GRIN2A: variants seen among roughly 807,000 people sequenced by gnomAD.
GRIN2A encodes glutamate receptor ionotropic, NMDA 2A.
A neutral mutation model predicts 113.4 loss-of-function variants in GRIN2A; 22 were observed. That is an observed-to-expected ratio of 0.19 (90% CI 0.14 to 0.28). GRIN2A has a LOEUF of 0.28. Among genes scored for constraint, GRIN2A ranks in the 10% least tolerant of loss-of-function variants. GRIN2A has a pLI of 1.00. For missense variants in GRIN2A, 1,502 were observed against 1,887.0 expected, an observed-to-expected ratio of 0.80 and a Z score of 3.78; for synonymous variants, 827 against 738.4, an observed-to-expected ratio of 1.12 and a Z score of -1.94.
At chr16:10,059,730 A>C (rs1012047070) in intron 2 of GRIN2A, among the ~76,000 whole-genome samples, 37 of 145,930 alleles carry the variant, frequency 2.5e-4, no homozygotes, top group African/African-American at 9.2e-4. Context: ...GAAAAAAAAA[A>C]AAAAAAACAA....
In GRIN2A at chr16:9,764,482, A is replaced by G; in HGVS notation, c.3062T>C (p.Ile1021Thr). ...ATTCTGGGATAGTGAATCCTGGCGT[A>G]TGGAATCCACGGATTTCTTCCACAG... Reference protein sequence around the residue: ...RQLWKKSVDSIRQDSLSQNPV... With the variant: ...RQLWKKSVDSTRQDSLSQNPV... Residue 1021 changes from isoleucine (I) to threonine (T), a missense_variant, in exon 13 of 13, where the codon ATA (isoleucine) becomes ACA (threonine). By Grantham distance (89) the Ile-to-Thr change is moderately conservative (BLOSUM62 -1). This residue lies in a region of GRIN2A where 832 missense variants were observed against 789.7 expected (regional missense o/e 1.05). Coordinates refer to ENST00000330684, the MANE Select transcript of GRIN2A (RefSeq NM_001134407.3). 2 of 1,614,120 alleles carry G rather than the reference A, an allele frequency of 1.2e-6. No individual in the cohort carries two copies. Among genetic ancestry groups the G allele is most frequent in the Non-Finnish European group, 1.7e-6 (2 of 1,180,010 alleles).
chr16:9,892,845 T>G (rs2043722636), intron 3 of GRIN2A, among the ~76,000 whole-genome samples: 1 of 150,756 alleles, frequency 6.6e-6, no homozygotes, highest in South Asian at 2.1e-4. Flanking sequence ...ACATCCAATA[T>G]GGTGGATTGA....
chr16:10,162,326 G>A lies in GRIN2A; in HGVS notation c.414+17672C>T, dbSNP rs148266882. Among the ~76,000 whole-genome samples, 608 of 152,322 alleles carry A rather than the reference G, an allele frequency of 4.0e-3. 4 individuals are homozygous for A. Among genetic ancestry groups the A allele is most frequent in the Non-Finnish European group, 6.8e-3 (462 of 68,030 alleles). On this transcript the variant is annotated intron_variant, in intron 2 of 12. Coordinates refer to ENST00000330684, the MANE Select transcript of GRIN2A (RefSeq NM_001134407.3). ...ACTCCACTGAGGCTCAGTTACAGAA[G>A]AGGAGTGAGGAGAAGCCTTGGAATT...
At chr16:9,805,764 G>A (rs1459623630) in intron 10 of GRIN2A, among the ~76,000 whole-genome samples, 1 of 152,218 alleles carries the variant, frequency 6.6e-6, no homozygotes, top group Non-Finnish European at 1.5e-5. Context: ...TCTGGCAGTG[G>A]TGGTATCATT....
At chr16:9,843,046 A>AAG (rs971200024) in intron 5 of GRIN2A, among the ~76,000 whole-genome samples, 8 of 149,220 alleles carry the variant, frequency 5.4e-5, no homozygotes, top group African/African-American at 2.0e-4. Flanking sequence ...GAAAGAAAGA[A>AAG]AGAGAGAGAG....
At chr16:9,952,892 G>A (rs1341710334) in intron 2 of GRIN2A, among the ~76,000 whole-genome samples, 2 of 152,194 alleles carry the variant, frequency 1.3e-5, no homozygotes, top group Non-Finnish European at 2.9e-5. Flanking sequence ...GCATGGAAAG[G>A]AGGAAGGATG....
chr16:9,770,469 T>A (rs1486434798), intron 11 of GRIN2A, among the ~76,000 whole-genome samples: 1 of 152,224 alleles, frequency 6.6e-6, no homozygotes, highest in Non-Finnish European at 1.5e-5. Flanking sequence ...AAATCAAAGT[T>A]GACAATTATT....
chr16:9,928,412 A>T (rs920069777), intron 3 of GRIN2A, among the ~76,000 whole-genome samples: 12 of 152,158 alleles, frequency 7.9e-5, no homozygotes, highest in African/African-American at 1.2e-4. Context: ...CTGCCCCTTT[A>T]TACTTTGCTG....
chr16:9,855,053 A>G (rs2042945449), intron 4 of GRIN2A, among the ~76,000 whole-genome samples: 1 of 152,060 alleles, frequency 6.6e-6, no homozygotes, highest in Non-Finnish European at 1.5e-5. Flanking sequence ...GTATATGCAC[A>G]TATGGATCCC....
chr16:10,103,525 GC>G lies in GRIN2A; in HGVS notation c.414+76472del, dbSNP rs1169996541. Among the ~76,000 whole-genome samples the G allele has an allele frequency of 2.6e-5, 4 of 152,174 alleles. No individual in the cohort carries two copies. In the Middle Eastern group the frequency reaches 9.5e-3, roughly 361 times the overall value. On this transcript the variant is annotated intron_variant, in intron 2 of 12. Transcript: ENST00000330684. ...TATTTCATCTTCTTGAAGTTTTATG[GC>G]TATGGCTCTTGAGTGTTTTGGGGGT...
intron 2 of GRIN2A, among the ~76,000 whole-genome samples, chr16:10,018,989 A>AT (rs892977453): frequency 4.0e-5 from 6 of 151,120 alleles, no homozygotes; most frequent in Non-Finnish European, 7.4e-5. Flanking sequence ...AAGAAAAAAT[A>AT]TTTTTTTTGG....
chr16:10,105,138 GGAAGCCTGGA>G (rs150267828), intron 2 of GRIN2A, among the ~76,000 whole-genome samples: 64,194 of 151,864 alleles, frequency 0.42, 13,832 homozygotes, highest in African/African-American at 0.5. Context: ...CTCTAGAGAT[GGAAGCCTGGA>G]GAAGCCTGGA....
intron 4 of GRIN2A, among the ~76,000 whole-genome samples, chr16:9,860,445 CAAAAAAAA>C (rs35715098): frequency 4.3e-4 from 25 of 57,954 alleles, no homozygotes; most frequent in African/African-American, 1.5e-3. Flanking sequence ...AAGAGTCTCT[CAAAAAAAA>C]AAAAAAAAAA....
intron 2 of GRIN2A, among the ~76,000 whole-genome samples, chr16:10,028,458 T>A (rs1432004571): frequency 6.6e-6 from 1 of 152,198 alleles, no homozygotes. Context: ...TGTGACTCGT[T>A]CATCCAACAG....
intron 2 of GRIN2A, among the ~76,000 whole-genome samples, chr16:9,995,405 C>T (rs2046203801): frequency 6.6e-6 from 1 of 152,176 alleles, no homozygotes; most frequent in African/African-American, 2.4e-5. Context: ...GATTTCTAAG[C>T]ATTAATCCCC....
chr16:10,053,093 G>C (rs936428636), intron 2 of GRIN2A, among the ~76,000 whole-genome samples: 5 of 151,766 alleles, frequency 3.3e-5, no homozygotes, highest in Non-Finnish European at 7.4e-5. Context: ...TAAAACTTGG[G>C]AATCTGAACT....
At chr16:9,926,594 T>G (rs2044470168) in intron 3 of GRIN2A, among the ~76,000 whole-genome samples, 1 of 152,226 alleles carries the variant, frequency 6.6e-6, no homozygotes, top group Non-Finnish European at 1.5e-5. Flanking sequence ...ATCTTAATAA[T>G]CATCAAGTTC....
chr16:9,986,463 T>A (rs2045980729), intron 2 of GRIN2A, among the ~76,000 whole-genome samples: 1 of 152,108 alleles, frequency 6.6e-6, no homozygotes, highest in Admixed American at 6.6e-5. Flanking sequence ...ACCAAAAGGC[T>A]CTTTTAAAGA....
chr16:9,909,022 C>T (rs574752094), intron 3 of GRIN2A, among the ~76,000 whole-genome samples: 8 of 152,264 alleles, frequency 5.3e-5, no homozygotes, highest in African/African-American at 1.2e-4. Context: ...GTTTTTCACA[C>T]TGCTGATAAA....
Sources: gnomAD v4.1 joint callset for allele counts (sites outside exome capture counted in the v4.1 genomes callset) on GRCh38, gnomAD v4.1.1 for gene constraint, gnomAD v4.1.1 regional missense constraint, MANE v1.5 for transcripts, NCBI Gene and HGNC (gene_info 2026-07-23, HGNC 2026-07-21) for gene names.